Variants in GLI2 observed in about 807,000 individuals in gnomAD.
GLI2 encodes transcription activator GLI2.
In GLI2, 22 loss-of-function variants were observed where a neutral mutation model predicts 78.9. The ratio of observed to expected loss-of-function variants is 0.28; its 90% CI spans 0.20 to 0.40. The LOEUF (loss-of-function observed/expected upper bound fraction) is 0.40, where lower values mean the gene tolerates loss of function less well. GLI2 is among the 10% of genes least tolerant of loss of function. The pLI is 1.00. For synonymous variants in GLI2, 974 were observed against 963.7 expected, an observed-to-expected ratio of 1.01 and a Z score of -0.20; for missense variants, 2,097 against 2,213.2, an observed-to-expected ratio of 0.95 and a Z score of 1.05.
At chr2:120,772,599 G>T (rs1397710986) in intron 1 of GLI2, among the ~76,000 whole-genome samples, 1 of 152,266 alleles carries the variant, frequency 6.6e-6, no homozygotes, top group African/African-American at 2.4e-5. Context: ...TAGGCCCAGA[G>T]GTTCCCAGGT....
At chr2:120,838,037 A>G (rs957009932) in intron 2 of GLI2, among the ~76,000 whole-genome samples, 5 of 152,278 alleles carry the variant, frequency 3.3e-5, no homozygotes, top group African/African-American at 1.2e-4. Flanking sequence ...TGGGGTTTTG[A>G]TTATAATTGA....
intron 2 of GLI2, among the ~76,000 whole-genome samples, chr2:120,872,117 G>T (rs981658344): frequency 3.3e-5 from 5 of 152,204 alleles, no homozygotes; most frequent in African/African-American, 1.2e-4. Context: ...TGACAGCTGT[G>T]GTCAGAGAGC....
intron 5 of GLI2, among the ~76,000 whole-genome samples, chr2:120,961,028 G>A (rs190297964): frequency 4.3e-4 from 66 of 152,292 alleles, no homozygotes; most frequent in African/African-American, 1.5e-3. Context: ...GTTGTCACCC[G>A]GGCCCTAAAA....
At chr2:120,907,505 G>A (rs764532584) in intron 2 of GLI2, among the ~76,000 whole-genome samples, 15 of 152,186 alleles carry the variant, frequency 9.9e-5, no homozygotes, top group Non-Finnish European at 2.1e-4. Context: ...TGGGGAGTGC[G>A]TTTTCTGTAG....
intron 2 of GLI2, among the ~76,000 whole-genome samples, chr2:120,801,329 G>A (rs1684699154): frequency 6.6e-6 from 1 of 152,090 alleles, no homozygotes; most frequent in African/African-American, 2.4e-5. Flanking sequence ...AGTAGAGATG[G>A]GGTTTCACCA....
At chr2:120,976,544 A>C (rs1277266378) in intron 9 of GLI2, among the ~76,000 whole-genome samples, 1 of 152,240 alleles carries the variant, frequency 6.6e-6, no homozygotes, top group Non-Finnish European at 1.5e-5. Context: ...GTTGCAGAAC[A>C]AATCAGTTAG....
In GLI2 at chr2:120,984,655, G is replaced by A; in HGVS notation, c.1817G>A (p.Gly606Asp). Reference protein sequence around the residue: ...NGDSEAGTEPGGPESTEASST... With the variant: ...NGDSEAGTEPDGPESTEASST... ...GACAGTGAGGCCGGCACGGAGCCTG[G>A]CGGCCCAGAGAGCACCGAGGCCAGC... is the stretch of plus-strand genomic sequence containing the variant. Residue 606 changes from glycine to aspartate, a missense_variant, in exon 12 of 14, where the codon GGC (glycine) becomes GAC (aspartate). By Grantham distance (94) the Gly-to-Asp change is moderately conservative. This residue lies in a region of GLI2 where 57 missense variants were observed against 44.5 expected (regional missense o/e 1.28). Coordinates refer to ENST00000361492, the MANE Select transcript of GLI2 (RefSeq NM_001374353.1). The A allele has an allele frequency of 6.2e-7, 1 of 1,613,958 alleles. No homozygotes were observed. Among genetic ancestry groups the A allele is most frequent in the Non-Finnish European group, 8.5e-7 (1 of 1,179,974 alleles).
intron 2 of GLI2, among the ~76,000 whole-genome samples, chr2:120,857,321 T>C (rs972174216): frequency 4.5e-5 from 5 of 111,228 alleles, no homozygotes; most frequent in Middle Eastern, 5.6e-3. Context: ...ACTTACCCAT[T>C]TGCCCACCCA....
chr2:120,980,822 G>A (rs1682684110), intron 10 of GLI2, among the ~76,000 whole-genome samples: 1 of 151,920 alleles, frequency 6.6e-6, no homozygotes, highest in Non-Finnish European at 1.5e-5. Context: ...AAGAATATAT[G>A]TGTGTATAGA....
At chr2:120,867,723 G>A (rs1688215156) in intron 2 of GLI2, among the ~76,000 whole-genome samples, 1 of 152,226 alleles carries the variant, frequency 6.6e-6, no homozygotes, top group Non-Finnish European at 1.5e-5. Flanking sequence ...CCCCTTGTCT[G>A]CTGCGCTCCA....
intron 1 of GLI2, among the ~76,000 whole-genome samples, chr2:120,750,132 G>A (rs1300804031): frequency 6.6e-6 from 1 of 152,234 alleles, no homozygotes; most frequent in Non-Finnish European, 1.5e-5. Context: ...CCTCTGCCTG[G>A]GTGGCCCCTC....
At position 120,982,835 on chromosome 2, in the gene GLI2, C is replaced by T. The variant is rs767400136; in HGVS notation, c.1587C>T (p.Asn529=). ...AGGGCTGCAACAAAGCCTTCTCCAA[C>T]GCCTCGGACCGCGCCAAGCACCAGA... ...EHEGCNKAFS[N]ASDRAKHQNR... The change falls in exon 11 of 14, where the codon AAC becomes AAT. Residue 529 remains asparagine (N), a synonymous_variant. Transcript: ENST00000361492. 4.1e-5 allele frequency: 66 copies of T among 1,613,996 alleles called. No homozygotes were observed. The highest frequency in any genetic ancestry group is 2.3e-4 in the Admixed American group (14 of 60,004).
intron 3 of GLI2, among the ~76,000 whole-genome samples, chr2:120,946,764 G>A (rs1419630109): frequency 2.0e-5 from 3 of 152,214 alleles, no homozygotes; most frequent in African/African-American, 7.2e-5. Context: ...TGGGGCCTGG[G>A]ATGGGGGCAA....
chr2:120,832,836 G>T (rs1317622571), intron 2 of GLI2, among the ~76,000 whole-genome samples: 3 of 152,100 alleles, frequency 2.0e-5, no homozygotes, highest in Non-Finnish European at 4.4e-5. Context: ...GACCGGGGAA[G>T]GTCTGGTCCT....
chr2:120,808,818 G>A (rs1347621078), intron 2 of GLI2, among the ~76,000 whole-genome samples: 2 of 152,144 alleles, frequency 1.3e-5, no homozygotes, highest in Non-Finnish European at 1.5e-5. Flanking sequence ...GTGGGCAGCG[G>A]GCTGCTGTTG....
Position 120,779,804 on chromosome 2 carries a change from C to G in GLI2, c.-30-17487C>G, listed in dbSNP as rs534512535. 7.2e-5 allele frequency among the ~76,000 whole-genome samples: 11 copies of G among 152,370 alleles called. No individual in the cohort carries two copies. The East Asian group carries it at 2.1e-3, about 29-fold the overall frequency. The stretch of plus-strand genomic sequence containing the variant: ...CCCCTCAGCCTTGCTCCTAACCACT[C>G]CGCCATCCTGCCTCCCCGGGCCAGG... On this transcript the variant is annotated intron_variant, in intron 1 of 13. Coordinates refer to ENST00000361492, the MANE Select transcript of GLI2 (RefSeq NM_001374353.1).
chr2:120,845,534 CCTT>C (rs970219426), intron 2 of GLI2, among the ~76,000 whole-genome samples: 2 of 152,188 alleles, frequency 1.3e-5, no homozygotes, highest in African/African-American at 2.4e-5. Context: ...CCTCCAGTCT[CCTT>C]CTCAGACACT....
At position 120,951,664 on chromosome 2, in the gene GLI2, A is replaced by G. The variant is rs191117209; in HGVS notation, c.457+219A>G. 13 of 549,706 alleles carry G rather than the reference A, an allele frequency of 2.4e-5. No homozygotes were observed. The East Asian group carries it at 3.2e-4, about 14-fold the overall frequency. The allele number at this position is 549,706 out of a possible 1,614,324, so 34.1% of individuals were successfully genotyped here. Reference sequence around the variant, plus strand: ...GCACTCTTTTGCATGCAAACCATATATGATCTATTGTAATAATAACAGTAA... The same window carrying G: ...GCACTCTTTTGCATGCAAACCATATGTGATCTATTGTAATAATAACAGTAA... On this transcript the variant is annotated intron_variant, in intron 4 of 13. Coordinates refer to ENST00000361492, the MANE Select transcript of GLI2 (RefSeq NM_001374353.1).
chr2:120,941,049 C>T (rs765327700), intron 3 of GLI2, among the ~76,000 whole-genome samples: 11 of 152,154 alleles, frequency 7.2e-5, no homozygotes, highest in African/African-American at 1.2e-4. Context: ...TCAGCTGATC[C>T]GGGGGAGTGA....
Sources: allele counts gnomAD v4.1 joint callset (sites outside exome capture counted in the v4.1 genomes callset), GRCh38; gene constraint gnomAD v4.1.1; regional missense constraint gnomAD v4.1.1; transcripts MANE v1.5; gene names NCBI Gene and HGNC (gene_info 2026-07-23, HGNC 2026-07-21).